Variants in SEMA3C observed in about 807,000 individuals in gnomAD.
The protein encoded by SEMA3C is semaphorin 3C, also known as semaphorin-3C.
SEMA3C carries 47 observed loss-of-function variants against 89.4 expected under a neutral mutation model. The ratio of observed to expected loss-of-function variants is 0.53; its 90% CI spans 0.42 to 0.67. The LOEUF is 0.67. SEMA3C is among the 30% of genes least tolerant of loss of function. The pLI is 0.00. For missense variants in SEMA3C, 839 were observed against 929.1 expected (o/e 0.90, Z 1.26); for synonymous variants, 310 against 320.2 (o/e 0.97, Z 0.34).
At chr7:80,863,581 G>A (rs749741765) in intron 2 of SEMA3C, among the ~76,000 whole-genome samples, 12 of 151,370 alleles carry the variant, frequency 7.9e-5, no homozygotes, top group Non-Finnish European at 1.0e-4. Context: ...AGCACAATTC[G>A]CAATTGCAAA....
At chr7:80,881,164 AACACACACACACACACACACAC>A (rs71802410) in intron 2 of SEMA3C, among the ~76,000 whole-genome samples, 2 of 135,432 alleles carry the variant, frequency 1.5e-5, no homozygotes, top group South Asian at 2.5e-4. Flanking sequence ...TGGAGAAAGA[AACACACACACACACACACACAC>A]ACACACACAC....
At chr7:80,831,946 T>G (rs1790017819) in intron 2 of SEMA3C, among the ~76,000 whole-genome samples, 1 of 152,130 alleles carries the variant, frequency 6.6e-6, no homozygotes, top group East Asian at 1.9e-4. Flanking sequence ...ACAGATTAAA[T>G]TACATTCAAA....
At chr7:80,906,140 G>A (rs936032167) in intron 2 of SEMA3C, among the ~76,000 whole-genome samples, 2 of 152,080 alleles carry the variant, frequency 1.3e-5, no homozygotes, top group African/African-American at 4.8e-5. Flanking sequence ...ACTGGAAGAT[G>A]AACAAAATTT....
intron 2 of SEMA3C, among the ~76,000 whole-genome samples, chr7:80,829,684 C>G (rs1789965530): frequency 6.6e-6 from 1 of 152,114 alleles, no homozygotes; most frequent in Non-Finnish European, 1.5e-5. Flanking sequence ...GTGACTCACA[C>G]TCATTTAACT....
intron 14 of SEMA3C, 80 bp downstream of exon 14, chr7:80,761,536 T>C: frequency 1.3e-6 from 1 of 769,276 alleles, no homozygotes. Flanking sequence ...TAACTAATTA[T>C]TCAGAAGTTA....
chr7:80,905,579 AGT>A (rs1412289997), intron 2 of SEMA3C, among the ~76,000 whole-genome samples: 1 of 152,140 alleles, frequency 6.6e-6, no homozygotes, highest in Non-Finnish European at 1.5e-5. Context: ...AATAAGTGTA[AGT>A]GCAATAAGCT....
chr7:80,798,774 G>A (rs1485663249), intron 10 of SEMA3C, among the ~76,000 whole-genome samples: 1 of 152,020 alleles, frequency 6.6e-6, no homozygotes, highest in Non-Finnish European at 1.5e-5. Flanking sequence ...ACAAAAAATA[G>A]GGGCCCAAAA....
At chr7:80,921,971 A>G (rs1170845876), upstream of SEMA3C, among the ~76,000 whole-genome samples, 1 of 152,236 alleles carries the variant, frequency 6.6e-6, no homozygotes, top group African/African-American at 2.4e-5. Context: ...CAGATGAGTC[A>G]TGTAAATAAA....
chr7:80,775,825 G>A (rs919311645), intron 12 of SEMA3C, among the ~76,000 whole-genome samples: 2 of 151,952 alleles, frequency 1.3e-5, no homozygotes, highest in African/African-American at 2.4e-5. Flanking sequence ...AAATACTTCT[G>A]AGGCACATTT....
chr7:80,807,583 C>G (rs537000330), intron 6 of SEMA3C, among the ~76,000 whole-genome samples: 1 of 152,160 alleles, frequency 6.6e-6, no homozygotes, highest in East Asian at 1.9e-4. Flanking sequence ...ATTTCAAAAA[C>G]ATTTTGCTTT....
At position 80,743,286 on chromosome 7, in the gene SEMA3C, A is replaced by G. The variant is rs1583833034; in HGVS notation, c.*1608T>C. ...TTTTGCTATAGCGAGGCCTCCTCAT[A>G]TATTATCATAATTTATCATAGTTTA... On this transcript the variant is annotated 3_prime_UTR_variant, in exon 18 of 18. Transcript: ENST00000265361. 6.6e-6 allele frequency: 1 copy of G among 152,044 alleles called. No individual in the cohort carries two copies. The highest frequency in any genetic ancestry group is 3.4e-3 in the Middle Eastern group (1 of 294). The allele number at this position is 152,044 out of a possible 1,614,324, so 9.4% of individuals were successfully genotyped here. A position where few individuals can be genotyped will look rare whatever the true frequency, so the allele number is the denominator to read the frequency against.
At chr7:80,849,833 A>G (rs2115930071) in intron 2 of SEMA3C, among the ~76,000 whole-genome samples, 1 of 152,298 alleles carries the variant, frequency 6.6e-6, no homozygotes, top group African/African-American at 2.4e-5. Context: ...ATTCATTTAT[A>G]TAACACTACC....
At chr7:80,858,187 T>C (rs1202871021) in intron 2 of SEMA3C, among the ~76,000 whole-genome samples, 1 of 152,148 alleles carries the variant, frequency 6.6e-6, no homozygotes, top group Non-Finnish European at 1.5e-5. Context: ...GGAGGAAGGC[T>C]TTCAGGTGAG....
intron 15 of SEMA3C, among the ~76,000 whole-genome samples, chr7:80,756,294 T>C (rs1044621996): frequency 2.6e-5 from 4 of 152,090 alleles, no homozygotes; most frequent in East Asian, 1.9e-4. Flanking sequence ...AATATATCAA[T>C]AGATTCTGTG....
intron 1 of SEMA3C, among the ~76,000 whole-genome samples, chr7:80,917,835 A>G (rs1792313529): frequency 6.6e-6 from 1 of 152,254 alleles, no homozygotes; most frequent in African/African-American, 2.4e-5. Flanking sequence ...GGCTTTTCAA[A>G]TTAAAATTTC....
chr7:80,754,947 G>GTTTTTTTTGGT (rs1788021581), intron 15 of SEMA3C, among the ~76,000 whole-genome samples: 21 of 13,146 alleles, frequency 1.6e-3, no homozygotes, highest in African/African-American at 2.5e-3. Context: ...CTGGCGAATT[G>GTTTTTTTTGGT]TTTTTTTTTG....
chr7:80,755,272 A>G (rs1788039765), intron 15 of SEMA3C, among the ~76,000 whole-genome samples: 1 of 151,468 alleles, frequency 6.6e-6, no homozygotes, highest in Non-Finnish European at 1.5e-5. Flanking sequence ...TGTATATTTA[A>G]GCACACATCT....
At chr7:80,862,532 A>G (rs925436620) in intron 2 of SEMA3C, among the ~76,000 whole-genome samples, 1 of 152,144 alleles carries the variant, frequency 6.6e-6, no homozygotes, top group Non-Finnish European at 1.5e-5. Flanking sequence ...CAATCTACAA[A>G]TTCAATGCAA....
intron 16 of SEMA3C, 151 bp from the exon 17 acceptor site, chr7:80,749,179 A>G: frequency 3.8e-6 from 3 of 791,796 alleles, no homozygotes; most frequent in Non-Finnish European, 3.7e-6. Context: ...TAATCATTTA[A>G]CAAGCAAAAT....
Sources: allele counts gnomAD v4.1 joint callset (sites outside exome capture counted in the v4.1 genomes callset), GRCh38; gene constraint gnomAD v4.1.1; transcripts MANE v1.5; gene names NCBI Gene and HGNC (gene_info 2026-07-23, HGNC 2026-07-21).